CTNNA2: variants seen among roughly 807,000 people sequenced by gnomAD.
The protein encoded by CTNNA2 is catenin alpha-2.
CTNNA2 carries 42 observed loss-of-function variants against 101.0 expected under a neutral mutation model. That is an observed-to-expected ratio of 0.42 (90% CI 0.32 to 0.54). CTNNA2 has a LOEUF of 0.54. Ranked by LOEUF, CTNNA2 falls within the 20% of genes least tolerant of loss-of-function variation. The pLI, the probability that CTNNA2 is intolerant of heterozygous loss-of-function variation, is 0.14. For synonymous variants in CTNNA2, 450 were observed against 456.4 expected (o/e 0.99, Z 0.18); for missense variants, 871 against 1,223.1 (o/e 0.71, Z 4.29).
At chr2:79,682,795 A>AT (rs1683672037) in intron 2 of CTNNA2, among the ~76,000 whole-genome samples, 2 of 152,106 alleles carry the variant, frequency 1.3e-5, no homozygotes, top group African/African-American at 2.4e-5. Flanking sequence ...TTGATTTTTC[A>AT]TTTACCTCTC....
Position 80,357,675 on chromosome 2 carries a change from T to G in CTNNA2, c.1057-35536T>G, listed in dbSNP as rs115276003. Among the ~76,000 whole-genome samples the G allele has an allele frequency of 5.8e-3, 879 of 152,280 alleles. 4 individuals are homozygous for G. Among genetic ancestry groups the G allele is most frequent in the African/African-American group, 0.02 (825 of 41,566 alleles). On this transcript the variant is annotated intron_variant, in intron 7 of 18. Transcript: ENST00000402739. ...CATACTAAAGACAGAAGAATCAATA[T>G]GACTCTTCTAGTCAAAACCACCTAT...
intron 7 of CTNNA2, among the ~76,000 whole-genome samples, chr2:80,193,581 G>C (rs1182557575): frequency 6.6e-6 from 1 of 152,190 alleles, no homozygotes; most frequent in African/African-American, 2.4e-5. Flanking sequence ...TAGATTTTCT[G>C]TCTGTAAATC....
intron 12 of CTNNA2, among the ~76,000 whole-genome samples, chr2:80,560,588 T>C (rs1469550016): frequency 6.6e-6 from 1 of 152,170 alleles, no homozygotes; most frequent in African/African-American, 2.4e-5. Flanking sequence ...ATAAACCCTC[T>C]GCACCATCTG....
At chr2:79,355,695 A>C (rs1485217752) in intron 3 of CTNNA2, among the ~76,000 whole-genome samples, 1 of 152,192 alleles carries the variant, frequency 6.6e-6, no homozygotes, top group Non-Finnish European at 1.5e-5. Flanking sequence ...GAGTCATAGA[A>C]TACGTATCCT....
At chr2:80,588,555 A>G (rs1696168637) in intron 14 of CTNNA2, among the ~76,000 whole-genome samples, 1 of 152,226 alleles carries the variant, frequency 6.6e-6, no homozygotes, top group South Asian at 2.1e-4. Context: ...TGAAGAATCC[A>G]TGAATAAGAA....
At chr2:79,994,590 A>G (rs72922652) in intron 7 of CTNNA2, among the ~76,000 whole-genome samples, 43,701 of 149,432 alleles carry the variant, frequency 0.29, 9,357 homozygotes, top group African/African-American at 0.57. Context: ...GTTTCATAGG[A>G]AAAAAAAAAA....
At chr2:79,517,030 G>C (rs1490009575) in intron 1 of CTNNA2, among the ~76,000 whole-genome samples, 1 of 152,090 alleles carries the variant, frequency 6.6e-6, no homozygotes, top group Non-Finnish European at 1.5e-5. Context: ...AATGGATGGT[G>C]CTCTTTCAGT....
At chr2:79,667,955 T>C (rs1321306784) in intron 2 of CTNNA2, among the ~76,000 whole-genome samples, 2 of 152,254 alleles carry the variant, frequency 1.3e-5, no homozygotes, top group African/African-American at 2.4e-5. Flanking sequence ...TAGTAAAAAC[T>C]TGAGGCCGGG....
At chr2:80,443,661 C>A (rs1682805140) in intron 9 of CTNNA2, among the ~76,000 whole-genome samples, 1 of 152,172 alleles carries the variant, frequency 6.6e-6, no homozygotes, top group African/African-American at 2.4e-5. Context: ...GCAGTGAAAC[C>A]TTGAGAGAAT....
rs963393379 is a variant in CTNNA2, at chr2:80,647,516, G to C, written c.2575-69G>C. ...GGAAAACATTATTTTAACCGTGAAAGTACATCACCATTTTGTGAATTTGGG... is the reference window on the plus strand; with the variant it reads ...GGAAAACATTATTTTAACCGTGAAACTACATCACCATTTTGTGAATTTGGG... On this transcript the variant is annotated intron_variant, in intron 18 of 18. Transcript: ENST00000402739. 3 of 1,261,648 alleles carry C rather than the reference G, an allele frequency of 2.4e-6. No individual in the cohort carries two copies. In the African/African-American group the frequency reaches 4.5e-5, roughly 19 times the overall value. The allele number at this position is 1,261,648 out of a possible 1,614,324, so 78.2% of individuals were successfully genotyped here.
intron 1 of CTNNA2, among the ~76,000 whole-genome samples, chr2:79,631,206 G>C (rs115771457): frequency 6.6e-6 from 1 of 152,106 alleles, no homozygotes; most frequent in Non-Finnish European, 1.5e-5. Context: ...GCCTTATGTG[G>C]TAACTCTTGA....
At chr2:79,981,086 T>G (rs1691231362) in intron 7 of CTNNA2, among the ~76,000 whole-genome samples, 3 of 152,126 alleles carry the variant, frequency 2.0e-5, no homozygotes, top group Admixed American at 2.0e-4. Flanking sequence ...CATTTTCCAC[T>G]GTCAAAATGA....
rs867281952 is a variant in CTNNA2 at position 79,495,433 on chromosome 2, C to A, written c.-134-9621C>A. Among the ~76,000 whole-genome samples the A allele has an allele frequency of 3.9e-5, 6 of 152,204 alleles. No individual in the cohort carries two copies. In the South Asian group the frequency reaches 6.2e-4, roughly 16 times the overall value. ...ACCAAAAGGAGATACCAAATCACAC[C>A]TATTAGGATGGCTATAATCAAAAAT... On this transcript the variant is annotated intron_variant, in intron 4 of 21. Transcript: ENST00000466387.
chr2:80,061,954 C>T (rs1345897010), intron 7 of CTNNA2, among the ~76,000 whole-genome samples: 1 of 152,174 alleles, frequency 6.6e-6, no homozygotes, highest in Non-Finnish European at 1.5e-5. Flanking sequence ...TAGAAAGAAG[C>T]CTTGAAATCC....
chr2:80,484,823 G>A (rs763430550), intron 9 of CTNNA2, among the ~76,000 whole-genome samples: 38 of 152,054 alleles, frequency 2.5e-4, no homozygotes, highest in South Asian at 8.3e-4. Context: ...TGGCTACCAC[G>A]GTGAAACCTT....
intron 7 of CTNNA2, among the ~76,000 whole-genome samples, chr2:80,041,847 G>T (rs1031986402): frequency 3.9e-5 from 6 of 152,152 alleles, no homozygotes; most frequent in African/African-American, 1.4e-4. Context: ...GGTGGTCCCT[G>T]GGACAGATCA....
intron 17 of CTNNA2, among the ~76,000 whole-genome samples, chr2:80,611,411 G>T (rs1698460593): frequency 6.6e-6 from 1 of 151,578 alleles, no homozygotes; most frequent in Non-Finnish European, 1.5e-5. Flanking sequence ...TTAGTTTAGT[G>T]CAAGTAATGT....
At chr2:80,564,780 A>G (rs559391936) in intron 12 of CTNNA2, among the ~76,000 whole-genome samples, 2 of 152,318 alleles carry the variant, frequency 1.3e-5, no homozygotes, top group African/African-American at 4.8e-5. Context: ...AGTTGTCTGG[A>G]GAGGTAGAAA....
At chr2:79,831,071 A>C (rs951594722) in intron 3 of CTNNA2, among the ~76,000 whole-genome samples, 1 of 152,126 alleles carries the variant, frequency 6.6e-6, no homozygotes, top group African/African-American at 2.4e-5. Flanking sequence ...AATTTTGAAA[A>C]CCATAAATTA....
Sources: allele counts gnomAD v4.1 joint callset (sites outside exome capture counted in the v4.1 genomes callset), GRCh38; gene constraint gnomAD v4.1.1; transcripts MANE v1.5; gene names NCBI Gene and HGNC (gene_info 2026-07-23, HGNC 2026-07-21).